Variants in PARL observed in about 807,000 individuals in gnomAD.
PARL encodes presenilin-associated rhomboid-like protein, mitochondrial.
Under a neutral mutation model 51.6 loss-of-function variants are expected in PARL, and 44 were observed. The ratio of observed to expected loss-of-function variants is 0.85; its 90% CI spans 0.67 to 1.10. PARL has a LOEUF of 1.10. PARL is among the 50% of genes least tolerant of loss of function. The pLI, the probability that PARL is intolerant of heterozygous loss-of-function variation, is 0.00. For synonymous variants in PARL, 172 were observed against 164.0 expected (o/e 1.05, Z -0.37); for missense variants, 441 against 469.5 (o/e 0.94, Z 0.56).
At chr3:183,837,702 C>T (rs1010981627) in intron 7 of PARL, among the ~76,000 whole-genome samples, 2 of 152,208 alleles carry the variant, frequency 1.3e-5, no homozygotes, top group East Asian at 1.9e-4. Context: ...CAGAGGAAGA[C>T]CACTGAAACA....
At chr3:183,831,062 T>C (rs2108576612) in intron 9 of PARL, among the ~76,000 whole-genome samples, 1 of 152,316 alleles carries the variant, frequency 6.6e-6, no homozygotes. Flanking sequence ...CTGTAACCTC[T>C]GCCTCCTGGC....
At chr3:183,882,595 GGTAACAGTAAA>G in intron 1 of PARL, among the ~76,000 whole-genome samples, 1 of 152,146 alleles carries the variant, frequency 6.6e-6, no homozygotes, top group South Asian at 2.1e-4. Context: ...CTCAAACCTT[GGTAACAGTAAA>G]GTTTACAAGG....
chr3:183,867,200 T>C (rs755115670), intron 2 of PARL, among the ~76,000 whole-genome samples: 7 of 151,708 alleles, frequency 4.6e-5, no homozygotes, highest in Admixed American at 2.6e-4. Flanking sequence ...CATGAGCCAC[T>C]GTGCCTGGCC....
chr3:183,843,857 G>A (rs763624134), intron 5 of PARL, among the ~76,000 whole-genome samples: 11 of 151,448 alleles, frequency 7.3e-5, no homozygotes, highest in East Asian at 1.9e-4. Flanking sequence ...TATCCAACAC[G>A]GTGAAACCCT....
downstream of PARL, among the ~76,000 whole-genome samples, chr3:183,827,918 G>T (rs556450875): frequency 6.6e-6 from 1 of 152,222 alleles, no homozygotes; most frequent in South Asian, 2.1e-4. Context: ...CGGCAGCCAC[G>T]GCATGTTCCT....
chr3:183,832,856 T>C (rs906252879), intron 9 of PARL, among the ~76,000 whole-genome samples: 4 of 152,200 alleles, frequency 2.6e-5, no homozygotes, highest in South Asian at 2.1e-4. Context: ...AAAGGGCTTA[T>C]AGAGGTGGGT....
chr3:183,867,665 A>C (rs1336260843), intron 2 of PARL, among the ~76,000 whole-genome samples, 200 bp downstream of exon 2: 1 of 150,654 alleles, frequency 6.6e-6, no homozygotes, highest in Non-Finnish European at 1.5e-5. Flanking sequence ...GCGCCACTGC[A>C]CTCCAACCTG....
chr3:183,826,591 A>T, downstream of PARL: 2 of 985,400 alleles, frequency 2.0e-6, no homozygotes, highest in Non-Finnish European at 2.4e-6. Flanking sequence ...AAACAGATTC[A>T]TCTCCCAAAA....
Position 183,863,637 on chromosome 3 carries a change from C to T in PARL, c.463-836G>A, listed in dbSNP as rs183659548. Reference sequence around the variant, plus strand: ...TTTCTTTTTAAGAGACAGGGTCCCCCTGTGTTGCCAAGGCTGGTCTTGAAC... The same window carrying T: ...TTTCTTTTTAAGAGACAGGGTCCCCTTGTGTTGCCAAGGCTGGTCTTGAAC... On this transcript the variant is annotated intron_variant, in intron 3 of 9. Coordinates refer to ENST00000317096, the MANE Select transcript of PARL (RefSeq NM_018622.7). Among the ~76,000 whole-genome samples, 136 of 152,106 alleles carry T rather than the reference C, an allele frequency of 8.9e-4. 1 individual carries two copies. Among genetic ancestry groups the T allele is most frequent in the African/African-American group, 2.9e-3 (121 of 41,512 alleles).
chr3:183,830,798 T>C (rs1441801504), intron 9 of PARL, among the ~76,000 whole-genome samples: 1 of 152,206 alleles, frequency 6.6e-6, no homozygotes, highest in Non-Finnish European at 1.5e-5. Context: ...TCACTAAATA[T>C]AGTTAAAATC....
At chr3:183,856,419 A>C (rs1273748867) in intron 4 of PARL, 2 of 152,460 alleles carry the variant, frequency 1.3e-5, no homozygotes, top group Non-Finnish European at 2.9e-5. Flanking sequence ...AACTAGGCTC[A>C]AGCCATCCTT....
chr3:183,843,884 C>G (rs999730182), intron 5 of PARL, among the ~76,000 whole-genome samples: 1 of 148,704 alleles, frequency 6.7e-6, no homozygotes, highest in South Asian at 2.2e-4. Context: ...ATTAAAAATA[C>G]AAAAACTAGC....
chr3:183,858,089 C>T (rs528721891), intron 4 of PARL, among the ~76,000 whole-genome samples: 4 of 152,244 alleles, frequency 2.6e-5, no homozygotes, highest in African/African-American at 9.6e-5. Flanking sequence ...TAGCATGATA[C>T]TTGAAGTGTG....
At chr3:183,828,921 A>G (rs903485445), downstream of PARL, among the ~76,000 whole-genome samples, 3 of 152,210 alleles carry the variant, frequency 2.0e-5, no homozygotes, top group Admixed American at 6.5e-5. Context: ...GACGACAGCC[A>G]CTATCTGCTA....
chr3:183,837,909 T>G (rs1728823901), intron 7 of PARL, among the ~76,000 whole-genome samples: 1 of 152,260 alleles, frequency 6.6e-6, no homozygotes, highest in Admixed American at 6.5e-5. Context: ...CCCAGGAGTT[T>G]GAGACCAGCC....
intron 1 of PARL, among the ~76,000 whole-genome samples, chr3:183,884,447 T>C (rs2108735037): frequency 6.6e-6 from 1 of 152,268 alleles, no homozygotes; most frequent in Middle Eastern, 3.4e-3. Context: ...GATTATGAAG[T>C]GTGGCACGCA....
chr3:183,882,223 A>ATATATATATATATATATATATATATATT (rs1734547547), intron 1 of PARL, among the ~76,000 whole-genome samples: 1 of 35,378 alleles, frequency 2.8e-5, no homozygotes, highest in African/African-American at 1.1e-4. Flanking sequence ...AAAAAAAAAA[A>ATATATATATATATATATATATATATATT]TATATATATA....
chr3:183,826,590 C>G, downstream of PARL: 1 of 985,408 alleles, frequency 1.0e-6, no homozygotes, highest in Non-Finnish European at 1.2e-6. Context: ...AAAACAGATT[C>G]ATCTCCCAAA....
At chr3:183,883,672 T>C in intron 1 of PARL, 1 of 985,178 alleles carries the variant, frequency 1.0e-6, no homozygotes, top group Non-Finnish European at 1.2e-6. Context: ...TTAAGATTAG[T>C]GCCTGACAGA....
Sources: allele counts gnomAD v4.1 joint callset (sites outside exome capture counted in the v4.1 genomes callset), GRCh38; gene constraint gnomAD v4.1.1; transcripts MANE v1.5; gene names NCBI Gene and HGNC (gene_info 2026-07-23, HGNC 2026-07-21).